Variants in SPAG16 observed in about 807,000 individuals in gnomAD.
SPAG16 encodes sperm associated antigen 16, also known as sperm-associated antigen 16 protein.
Under a neutral mutation model 80.4 loss-of-function variants are expected in SPAG16, and 86 were observed. That is an observed-to-expected ratio of 1.07 (90% CI 0.90 to 1.28). The LOEUF is 1.28. Among genes scored for constraint, SPAG16 ranks in the 50% most tolerant of loss-of-function variants. The probability of loss-of-function intolerance (pLI) is 0.00; values close to 1 mark genes in which losing one functional copy is unlikely to be tolerated. For missense variants in SPAG16, 870 were observed against 765.3 expected, an observed-to-expected ratio of 1.14 and a Z score of -1.61; for synonymous variants, 294 against 265.9, an observed-to-expected ratio of 1.11 and a Z score of -1.03.
chr2:214,202,125 T>C (rs11676642), intron 15 of SPAG16, among the ~76,000 whole-genome samples: 45,628 of 152,058 alleles, frequency 0.3, 8,519 homozygotes, highest in Non-Finnish European at 0.41. Flanking sequence ...GGATTACAGG[T>C]TTAAGCTACC....
intron 9 of SPAG16, among the ~76,000 whole-genome samples, chr2:213,423,514 C>G (rs1203931696): frequency 6.6e-6 from 1 of 152,138 alleles, no homozygotes; most frequent in Non-Finnish European, 1.5e-5. Context: ...CATAGATTCT[C>G]TGTGCCTTAG....
At chr2:213,405,538 A>G (rs568135866) in intron 9 of SPAG16, among the ~76,000 whole-genome samples, 33 of 152,210 alleles carry the variant, frequency 2.2e-4, no homozygotes, top group Non-Finnish European at 4.3e-4. Context: ...CACAAACTAT[A>G]GTTGCCCTAT....
Position 213,558,548 on chromosome 2 carries a change from G to A in SPAG16, c.1070+68458G>A, listed in dbSNP as rs1354383390. Among the ~76,000 whole-genome samples the A allele has an allele frequency of 2.6e-5, 4 of 151,612 alleles. No individual in the cohort carries two copies. In the South Asian group the frequency reaches 8.3e-4, roughly 31 times the overall value. ...TAAAAGATAAAGTCTTTATGTATCT[G>A]CTCAATTTTGTTGTGAACCTAACCA... is the stretch of plus-strand genomic sequence containing the variant. On this transcript the variant is annotated intron_variant, in intron 10 of 15. Coordinates refer to ENST00000331683, the MANE Select transcript of SPAG16 (RefSeq NM_024532.5).
At chr2:214,236,517 G>A (rs1305423195) in intron 15 of SPAG16, among the ~76,000 whole-genome samples, 2 of 151,720 alleles carry the variant, frequency 1.3e-5, no homozygotes, top group African/African-American at 4.8e-5. Flanking sequence ...CCGGGCATGG[G>A]GGCGGGCACC....
chr2:214,327,695 ATTTT>A (rs58069845), intron 15 of SPAG16, among the ~76,000 whole-genome samples: 2 of 149,196 alleles, frequency 1.3e-5, no homozygotes, highest in African/African-American at 4.9e-5. Flanking sequence ...TAGATATCAA[ATTTT>A]TTTTTTTTTT....
intron 10 of SPAG16, among the ~76,000 whole-genome samples, chr2:213,812,644 T>C (rs1376665733): frequency 6.6e-6 from 1 of 152,184 alleles, no homozygotes; most frequent in Non-Finnish European, 1.5e-5. Flanking sequence ...TAGGATTTTT[T>C]TTCTCTCCTG....
intron 15 of SPAG16, among the ~76,000 whole-genome samples, chr2:214,175,287 GTATATATATAAAGAAA>G (rs55804157): frequency 0.32 from 44,603 of 141,208 alleles, 8,241 homozygotes; most frequent in Non-Finnish European, 0.42. Context: ...AAAGAAATGT[GTATATATATAAAGAAA>G]TATATATATA....
At chr2:214,376,673 T>C (rs1472354623) in intron 15 of SPAG16, among the ~76,000 whole-genome samples, 1 of 152,218 alleles carries the variant, frequency 6.6e-6, no homozygotes, top group East Asian at 1.9e-4. Context: ...TTCTTCTCTG[T>C]GTTCACATGG....
At chr2:213,676,110 T>TACCTAGG (rs1430387015) in intron 10 of SPAG16, among the ~76,000 whole-genome samples, 2 of 151,872 alleles carry the variant, frequency 1.3e-5, no homozygotes, top group Non-Finnish European at 2.9e-5. Flanking sequence ...ACGTCCCTTG[T>TACCTAGG]AAGTTGGATT....
chr2:213,595,897 T>C (rs1395904547), intron 10 of SPAG16, among the ~76,000 whole-genome samples: 1 of 152,092 alleles, frequency 6.6e-6, no homozygotes, highest in Non-Finnish European at 1.5e-5. Context: ...TCCAACAGTA[T>C]ATTAAAATGT....
chr2:213,975,327 T>A (rs1027427859), intron 12 of SPAG16, among the ~76,000 whole-genome samples: 2 of 151,100 alleles, frequency 1.3e-5, no homozygotes, highest in Admixed American at 1.3e-4. Flanking sequence ...AAAAATAATA[T>A]TAATATGCAT....
intron 6 of SPAG16, among the ~76,000 whole-genome samples, chr2:213,342,976 G>T (rs1484783084): frequency 4.6e-5 from 7 of 151,946 alleles, no homozygotes; most frequent in Non-Finnish European, 1.5e-5. Flanking sequence ...CAGAGTTCAG[G>T]GCTGCAGAGG....
chr2:214,163,653 A>AGAG (rs1559096426), intron 15 of SPAG16, among the ~76,000 whole-genome samples: 4 of 109,402 alleles, frequency 3.7e-5, no homozygotes, highest in Non-Finnish European at 9.0e-5. Flanking sequence ...GAGAGAGAGA[A>AGAG]AGAGAGAGAG....
At chr2:213,434,190 G>A (rs1431641201) in intron 9 of SPAG16, among the ~76,000 whole-genome samples, 2 of 152,050 alleles carry the variant, frequency 1.3e-5, no homozygotes, top group African/African-American at 2.4e-5. Flanking sequence ...AAAGTGCTGG[G>A]ATTACAGACA....
At chr2:213,552,402 T>TAGCAGTTAGAA (rs759982729) in intron 10 of SPAG16, among the ~76,000 whole-genome samples, 49 of 152,342 alleles carry the variant, frequency 3.2e-4, no homozygotes, top group Middle Eastern at 3.4e-3. Context: ...GCTAGAATTC[T>TAGCAGTTAGAA]ATCACTAACC....
intron 10 of SPAG16, among the ~76,000 whole-genome samples, chr2:213,725,322 C>A (rs1054867471): frequency 6.6e-6 from 1 of 152,180 alleles, no homozygotes; most frequent in African/African-American, 2.4e-5. Context: ...CTGCACTGAG[C>A]CAACTCTCTG....
At chr2:214,375,384 T>G (rs905062686) in intron 15 of SPAG16, among the ~76,000 whole-genome samples, 2 of 152,112 alleles carry the variant, frequency 1.3e-5, no homozygotes, top group African/African-American at 4.8e-5. Flanking sequence ...GGCAAAAATT[T>G]TTCTCTTCTA....
chr2:214,037,781 A>G (rs76751206), intron 13 of SPAG16, among the ~76,000 whole-genome samples: 350 of 151,858 alleles, frequency 2.3e-3, no homozygotes, highest in African/African-American at 8.1e-3. Context: ...TTTTTCCCAT[A>G]TTTAATGCTT....
intron 15 of SPAG16, among the ~76,000 whole-genome samples, chr2:214,371,490 C>A (rs570122390): frequency 1.4e-5 from 2 of 147,762 alleles, no homozygotes; most frequent in African/African-American, 2.5e-5. Flanking sequence ...CAAGATTACA[C>A]CATTGCACTC....
Sources: allele counts gnomAD v4.1 joint callset (sites outside exome capture counted in the v4.1 genomes callset), GRCh38; gene constraint gnomAD v4.1.1; transcripts MANE v1.5; gene names NCBI Gene and HGNC (gene_info 2026-07-23, HGNC 2026-07-21).